The following AUTS2 variants were observed in gnomAD, a reference collection of about 807,000 sequenced individuals.
The protein encoded by AUTS2 is autism susceptibility gene 2 protein.
AUTS2 carries 17 observed loss-of-function variants against 112.4 expected under a neutral mutation model. The ratio of observed to expected loss-of-function variants is 0.15; its 90% CI spans 0.10 to 0.23. The LOEUF is 0.23. AUTS2 is among the 10% of genes least tolerant of loss of function. The pLI is 1.00. For missense variants in AUTS2, 1,510 were observed against 1,701.6 expected (o/e 0.89, Z 1.98); for synonymous variants, 751 against 702.7 (o/e 1.07, Z -1.09).
At chr7:70,102,005 G>A (rs1381564068) in intron 2 of AUTS2, among the ~76,000 whole-genome samples, 1 of 151,604 alleles carries the variant, frequency 6.6e-6, no homozygotes, top group African/African-American at 2.4e-5. Flanking sequence ...TTTTGTAATA[G>A]CTTTACGTAT....
intron 2 of AUTS2, among the ~76,000 whole-genome samples, chr7:70,111,942 T>C (rs1337060290): frequency 6.6e-6 from 1 of 152,032 alleles, no homozygotes; most frequent in Admixed American, 6.5e-5. Flanking sequence ...TACTATAGTT[T>C]ACTAACTGTA....
intron 2 of AUTS2, among the ~76,000 whole-genome samples, chr7:69,996,555 A>G (rs1359304495): frequency 2.6e-5 from 4 of 152,172 alleles, no homozygotes; most frequent in Non-Finnish European, 1.5e-5. Flanking sequence ...AATCTCCTAC[A>G]AACACTGTCC....
Position 70,064,784 on chromosome 7 carries a change from A to G in AUTS2, c.523-53348A>G, listed in dbSNP as rs1802413265. 2.6e-5 allele frequency among the ~76,000 whole-genome samples: 4 copies of G among 152,304 alleles called. No homozygotes were observed. The South Asian group carries it at 8.3e-4, about 32-fold the overall frequency. ...GTGAAGCTTTGTGTTGGAGCCTAGA[A>G]TTGTAATGTATGGCACTATTAGACT... On this transcript the variant is annotated intron_variant, in intron 2 of 18. Coordinates refer to ENST00000342771, the MANE Select transcript of AUTS2 (RefSeq NM_015570.4).
intron 4 of AUTS2, among the ~76,000 whole-genome samples, chr7:70,155,894 C>T (rs1584801552): frequency 6.6e-6 from 1 of 152,098 alleles, no homozygotes; most frequent in African/African-American, 2.4e-5. Context: ...AATGTCAATC[C>T]CAGAATCTCA....
chr7:70,065,071 TG>T lies in AUTS2; in HGVS notation c.523-53055del, dbSNP rs1220985588. On this transcript the variant is annotated intron_variant, in intron 2 of 18. Coordinates refer to ENST00000342771, the MANE Select transcript of AUTS2 (RefSeq NM_015570.4). Reference sequence around the variant, plus strand: ...GTGAACAAACAGAGATGTGAAGTGGTGGGGGGCATTTCTATATGATTGTGTG... The same window carrying T: ...GTGAACAAACAGAGATGTGAAGTGGTGGGGGCATTTCTATATGATTGTGTG... Among the ~76,000 whole-genome samples, 4 of 152,144 alleles carry T rather than the reference TG, an allele frequency of 2.6e-5. No individual in the cohort carries two copies. The East Asian group carries it at 7.7e-4, about 29-fold the overall frequency.
chr7:70,387,766 G>A (rs940855238), intron 4 of AUTS2, among the ~76,000 whole-genome samples: 10 of 151,984 alleles, frequency 6.6e-5, no homozygotes, highest in South Asian at 2.1e-4. Context: ...TTCATCCATC[G>A]TCTCTACTTC....
chr7:69,800,471 T>C (rs924695707), intron 1 of AUTS2, among the ~76,000 whole-genome samples: 1 of 152,186 alleles, frequency 6.6e-6, no homozygotes, highest in Non-Finnish European at 1.5e-5. Flanking sequence ...TTTTCCTGCC[T>C]TTGGTATGAT....
intron 1 of AUTS2, among the ~76,000 whole-genome samples, chr7:69,757,124 C>CATTATTCAGTA (rs1481693596): frequency 6.6e-6 from 1 of 152,186 alleles, no homozygotes; most frequent in East Asian, 1.9e-4. Context: ...CTCACCCATT[C>CATTATTCAGTA]ATGTATTCAT....
intron 2 of AUTS2, among the ~76,000 whole-genome samples, chr7:69,921,718 C>T (rs978861262): frequency 6.8e-6 from 1 of 146,462 alleles, no homozygotes; most frequent in Non-Finnish European, 1.5e-5. Flanking sequence ...GCCGAGATCA[C>T]ACCACTGCAC....
intron 5 of AUTS2, among the ~76,000 whole-genome samples, chr7:70,629,059 G>T (rs934714333): frequency 6.6e-6 from 1 of 152,186 alleles, no homozygotes; most frequent in African/African-American, 2.4e-5. Flanking sequence ...AGTCGGGTTT[G>T]CTGTACTGCC....
intron 3 of AUTS2, among the ~76,000 whole-genome samples, chr7:70,125,997 C>T (rs757897485): frequency 8.5e-5 from 13 of 152,232 alleles, no homozygotes; most frequent in Non-Finnish European, 1.8e-4. Context: ...GAGACTTACT[C>T]TCAAGTGAGG....
chr7:70,242,985 T>C (rs764216311), intron 4 of AUTS2, among the ~76,000 whole-genome samples: 1 of 152,154 alleles, frequency 6.6e-6, no homozygotes, highest in Non-Finnish European at 1.5e-5. Flanking sequence ...CTTCCACACA[T>C]TCAGCATTAC....
chr7:70,223,795 G>A (rs1166712989), intron 4 of AUTS2, among the ~76,000 whole-genome samples: 1 of 150,616 alleles, frequency 6.6e-6, no homozygotes, highest in Non-Finnish European at 1.5e-5. Flanking sequence ...GGAAGACAGT[G>A]TTATTGATGA....
chr7:70,774,346 G>A, intron 12 of AUTS2: 1 of 501,030 alleles, frequency 2.0e-6, no homozygotes, highest in Non-Finnish European at 3.6e-6. Context: ...TACGGTCTGA[G>A]CCCAGAAATT....
At chr7:70,783,181 C>T (rs1791204796) in intron 15 of AUTS2, 1 of 152,244 alleles carries the variant, frequency 6.6e-6, no homozygotes, top group South Asian at 2.1e-4. Context: ...ACTACACAGA[C>T]AGTATGTGGC....
At chr7:70,364,287 G>C (rs1014195267) in intron 4 of AUTS2, among the ~76,000 whole-genome samples, 2 of 152,170 alleles carry the variant, frequency 1.3e-5, no homozygotes, top group Non-Finnish European at 2.9e-5. Flanking sequence ...AATTAGGCCG[G>C]GCGCAGTGGC....
At chr7:70,561,448 G>A (rs1230035864) in intron 5 of AUTS2, among the ~76,000 whole-genome samples, 7 of 152,180 alleles carry the variant, frequency 4.6e-5, no homozygotes, top group Admixed American at 4.6e-4. Flanking sequence ...AGCATAGCAA[G>A]ATCCTGTCTC....
At chr7:70,469,684 C>CG (rs1181797151) in intron 5 of AUTS2, among the ~76,000 whole-genome samples, 1 of 152,090 alleles carries the variant, frequency 6.6e-6, no homozygotes, top group Non-Finnish European at 1.5e-5. Context: ...TCTGTTGCCC[C>CG]GCCTGCAGTG....
intron 5 of AUTS2, among the ~76,000 whole-genome samples, chr7:70,548,162 G>A (rs964385849): frequency 2.0e-5 from 3 of 152,132 alleles, no homozygotes; most frequent in South Asian, 2.1e-4. Flanking sequence ...ATCCCTCCCC[G>A]AAAGTCTGCT....
Sources: gnomAD v4.1 joint callset for allele counts (sites outside exome capture counted in the v4.1 genomes callset) on GRCh38, gnomAD v4.1.1 for gene constraint, MANE v1.5 for transcripts, NCBI Gene and HGNC (gene_info 2026-07-23, HGNC 2026-07-21) for gene names.